WDR49: variants seen among roughly 807,000 people sequenced by gnomAD.
WDR49 encodes the protein WD repeat domain 49.
In WDR49, 107 loss-of-function variants were observed where a neutral mutation model predicts 119.5. The ratio of observed to expected loss-of-function variants is 0.90; its 90% CI spans 0.77 to 1.05. The LOEUF (loss-of-function observed/expected upper bound fraction) is 1.05. Ranked by LOEUF, WDR49 falls within the 50% of genes least tolerant of loss-of-function variation. WDR49 has a pLI of 0.00. For missense variants in WDR49, 1,240 were observed against 1,220.5 expected (o/e 1.02, Z -0.24); for synonymous variants, 425 against 418.8 (o/e 1.01, Z -0.18).
chr3:167,639,246 T>C (rs1717763110), intron 2 of WDR49, among the ~76,000 whole-genome samples: 1 of 151,748 alleles, frequency 6.6e-6, no homozygotes, highest in South Asian at 2.1e-4. Flanking sequence ...GAGACCATGA[T>C]TATGGCAAAG....
At chr3:167,575,879 G>A (rs779931749) in intron 8 of WDR49, 39 bp downstream of exon 8, 20 of 1,589,450 alleles carry the variant, frequency 1.3e-5, no homozygotes, top group African/African-American at 1.3e-5. Context: ...TGGACTTGGA[G>A]ATATGTTAGG....
intron 16 of WDR49, among the ~76,000 whole-genome samples, chr3:167,520,844 TA>T: frequency 6.6e-6 from 1 of 152,180 alleles, no homozygotes; most frequent in South Asian, 2.1e-4. Flanking sequence ...CTTTAAGATA[TA>T]AACAAAGGAT....
At chr3:167,571,187 C>G (rs1466219317) in intron 8 of WDR49, among the ~76,000 whole-genome samples, 1 of 152,062 alleles carries the variant, frequency 6.6e-6, no homozygotes, top group South Asian at 2.1e-4. Flanking sequence ...CAAGAAACAG[C>G]ATCACTCCAG....
At chr3:167,497,506 C>T (rs1036985041) in intron 18 of WDR49, among the ~76,000 whole-genome samples, 1 of 152,142 alleles carries the variant, frequency 6.6e-6, no homozygotes, top group African/African-American at 2.4e-5. Context: ...ATTAACCCCA[C>T]CTCTTTGCCC....
chr3:167,549,654 T>G (rs1191942675), intron 10 of WDR49, among the ~76,000 whole-genome samples: 6 of 152,210 alleles, frequency 3.9e-5, no homozygotes, highest in Non-Finnish European at 7.3e-5. Flanking sequence ...GCCTGTTCAC[T>G]CTGATGGTAG....
chr3:167,636,328 T>C lies in WDR49; in HGVS notation c.166-9036A>G, dbSNP rs62278323. ...TTTATGGCTGAGTAGTATTCTGTTG[T>C]ATATATACGTATATATATGTATATA... On this transcript the variant is annotated intron_variant, in intron 2 of 18. Coordinates refer to ENST00000682715, the MANE Select transcript of WDR49 (RefSeq NM_001366157.1). Among the ~76,000 whole-genome samples the C allele has an allele frequency of 2.2e-3, 341 of 151,678 alleles. 1 individual carries two copies. The highest frequency in any genetic ancestry group is 4.3e-3 in the Non-Finnish European group (292 of 67,740).
chr3:167,503,341 G>A (rs1751647375), intron 17 of WDR49, among the ~76,000 whole-genome samples: 1 of 152,204 alleles, frequency 6.6e-6, no homozygotes, highest in Non-Finnish European at 1.5e-5. Context: ...AGTGTTACTG[G>A]GGTGTCCTTG....
chr3:167,611,705 T>C (rs1403211972), intron 5 of WDR49, among the ~76,000 whole-genome samples: 1 of 152,046 alleles, frequency 6.6e-6, no homozygotes, highest in Non-Finnish European at 1.5e-5. Flanking sequence ...TCACACAAAA[T>C]AGATTTCGAG....
At chr3:167,482,225 T>C (rs890974820) in intron 18 of WDR49, among the ~76,000 whole-genome samples, 1 of 152,120 alleles carries the variant, frequency 6.6e-6, no homozygotes, top group Non-Finnish European at 1.5e-5. Context: ...AGTAGAGCAA[T>C]GCCTACAAGA....
At chr3:167,633,625 A>G (rs1209613113) in intron 2 of WDR49, 1 of 382,658 alleles carries the variant, frequency 2.6e-6, no homozygotes, top group Non-Finnish European at 5.1e-6. Context: ...TTTAGTTGCT[A>G]CAAATTCTTA....
At chr3:167,564,588 T>A (rs1019961244) in intron 8 of WDR49, among the ~76,000 whole-genome samples, 2 of 152,232 alleles carry the variant, frequency 1.3e-5, no homozygotes, top group African/African-American at 2.4e-5. Flanking sequence ...CTTATCAGGC[T>A]AGACTTCAGC....
In WDR49 at chr3:167,529,234, C is replaced by T. The variant is rs1228721074; in HGVS notation, c.2224G>A (p.Ala742Thr). ...ARKNTAVTGG[A>T]NLVSCGGSGY... is the part of the protein sequence containing the mutation. ...GATCCTCCACATGATACCAGGTTAG[C>T]TCCTCCTAACATGTAAGGGAAAAAT... Residue 742 changes from alanine to threonine, a missense_variant, in exon 14 of 19, where the codon GCT becomes ACT. Physicochemically the swap from Ala to Thr is moderately conservative, Grantham distance 58. Transcript: ENST00000682715. 6.3e-7 allele frequency: 1 copy of T among 1,579,914 alleles called. No homozygotes were observed. The highest frequency in any genetic ancestry group is 2.0e-5 in the Admixed American group (1 of 50,876).
chr3:167,529,509 T>C (rs1752769135), intron 13 of WDR49, among the ~76,000 whole-genome samples: 1 of 152,170 alleles, frequency 6.6e-6, no homozygotes, highest in Non-Finnish European at 1.5e-5. Context: ...TTCTGATGTT[T>C]TGGGGGTATT....
chr3:167,655,091 G>T (rs1417414955), upstream of WDR49, among the ~76,000 whole-genome samples: 2 of 152,078 alleles, frequency 1.3e-5, no homozygotes, highest in African/African-American at 4.8e-5. Flanking sequence ...ATTTCACATG[G>T]CTGGGGAGGC....
intron 16 of WDR49, among the ~76,000 whole-genome samples, chr3:167,509,185 G>A (rs1395157605): frequency 6.6e-6 from 1 of 152,162 alleles, no homozygotes; most frequent in Non-Finnish European, 1.5e-5. Context: ...AAAGGAAAAT[G>A]TGTCAGATAA....
At position 167,592,248 on chromosome 3, in the gene WDR49, A is replaced by G. The variant is rs569672127; in HGVS notation, c.1275+9879T>C. Among the ~76,000 whole-genome samples the G allele has an allele frequency of 5.9e-5, 9 of 152,142 alleles. No homozygotes were observed. The East Asian group carries it at 1.7e-3, about 29-fold the overall frequency. ...TTTTAACTTTCTGTTGTTTCTATTTATATCTTATTGTACTGTCTATGTCTT... is the reference window on the plus strand; with the variant it reads ...TTTTAACTTTCTGTTGTTTCTATTTGTATCTTATTGTACTGTCTATGTCTT... On this transcript the variant is annotated intron_variant, in intron 7 of 18. Coordinates refer to ENST00000682715, the MANE Select transcript of WDR49 (RefSeq NM_001366157.1).
At chr3:167,503,470 A>G (rs970391879) in intron 17 of WDR49, among the ~76,000 whole-genome samples, 2 of 152,176 alleles carry the variant, frequency 1.3e-5, no homozygotes, top group Non-Finnish European at 2.9e-5. Flanking sequence ...GATTCCAAGG[A>G]ATGGGCCATG....
intron 5 of WDR49, among the ~76,000 whole-genome samples, chr3:167,613,256 T>C (rs1716431502): frequency 6.6e-6 from 1 of 152,202 alleles, no homozygotes; most frequent in South Asian, 2.1e-4. Flanking sequence ...AAAATAAGAA[T>C]TCAGCACTGC....
chr3:167,570,109 CAA>C (rs5854241), intron 8 of WDR49, among the ~76,000 whole-genome samples: 14 of 141,570 alleles, frequency 9.9e-5, no homozygotes, highest in Non-Finnish European at 1.7e-4. Flanking sequence ...TTAAGCTAGC[CAA>C]AAAAAAAAAA....
Sources: allele counts gnomAD v4.1 joint callset (sites outside exome capture counted in the v4.1 genomes callset), GRCh38; gene constraint gnomAD v4.1.1; transcripts MANE v1.5; gene names NCBI Gene and HGNC (gene_info 2026-07-23, HGNC 2026-07-21).